Variants in SEMA3A observed in about 807,000 individuals in gnomAD.
SEMA3A encodes the protein semaphorin-3A.
In SEMA3A, 29 loss-of-function variants were observed where a neutral mutation model predicts 97.9. The observed-to-expected ratio is 0.30, with a 90% CI of 0.22 to 0.40. The LOEUF (loss-of-function observed/expected upper bound fraction) is 0.40. SEMA3A is among the 10% of genes least tolerant of loss of function. SEMA3A has a pLI of 1.00. For missense variants in SEMA3A, 763 were observed against 951.3 expected (o/e 0.80, Z 2.60); for synonymous variants, 321 against 323.7 (o/e 0.99, Z 0.09).
At chr7:84,264,554 G>A (rs1402409219) in intron 3 of SEMA3A, among the ~76,000 whole-genome samples, 1 of 152,116 alleles carries the variant, frequency 6.6e-6, no homozygotes, top group Non-Finnish European at 1.5e-5. Context: ...GATCCATGTG[G>A]TTCAGATGAA....
At chr7:84,352,432 T>C (rs1201988622) in intron 2 of SEMA3A, among the ~76,000 whole-genome samples, 1 of 151,624 alleles carries the variant, frequency 6.6e-6, no homozygotes, top group Non-Finnish European at 1.5e-5. Context: ...AGGTCATAGA[T>C]ACCCCATTTA....
At chr7:84,023,469 C>A (rs1436967176) in intron 6 of SEMA3A, among the ~76,000 whole-genome samples, 2 of 152,118 alleles carry the variant, frequency 1.3e-5, no homozygotes, top group Non-Finnish European at 2.9e-5. Context: ...TTTTCTAGGA[C>A]ACAAATTACA....
intron 2 of SEMA3A, among the ~76,000 whole-genome samples, chr7:84,356,949 G>A (rs1016549712): frequency 4.6e-5 from 7 of 151,560 alleles, no homozygotes; most frequent in Non-Finnish European, 8.8e-5. Context: ...CCACTTATAC[G>A]TGATGTGCTG....
At chr7:84,268,249 A>ATGTGTGTGTGTGTGTG (rs66460940) in intron 3 of SEMA3A, among the ~76,000 whole-genome samples, 2 of 130,950 alleles carry the variant, frequency 1.5e-5, no homozygotes, top group Admixed American at 7.8e-5. Flanking sequence ...AGACATAAGC[A>ATGTGTGTGTGTGTGTG]TGTGTGTGTG....
chr7:84,430,171 T>G (rs2116316879), intron 1 of SEMA3A, among the ~76,000 whole-genome samples: 1 of 152,120 alleles, frequency 6.6e-6, no homozygotes, highest in East Asian at 1.9e-4. Context: ...GTCTTCCATT[T>G]TTTAATAATA....
intron 1 of SEMA3A, among the ~76,000 whole-genome samples, chr7:84,390,272 A>G (rs1803506224): frequency 6.6e-6 from 1 of 150,676 alleles, no homozygotes; most frequent in Non-Finnish European, 1.5e-5. Flanking sequence ...TGGTAGGAAC[A>G]CTCCTGCACA....
At chr7:84,064,496 G>C (rs1454151873) in intron 4 of SEMA3A, among the ~76,000 whole-genome samples, 9 of 152,080 alleles carry the variant, frequency 5.9e-5, no homozygotes, top group South Asian at 2.1e-4. Flanking sequence ...AGAGTCAAGA[G>C]CCATCAGTGT....
At chr7:84,152,344 A>G (rs1796698526) in intron 1 of SEMA3A, among the ~76,000 whole-genome samples, 2 of 137,672 alleles carry the variant, frequency 1.5e-5, no homozygotes, top group African/African-American at 5.6e-5. Context: ...CATATACACC[A>G]TGGAATACTA....
chr7:84,398,318 T>A (rs1035051268), intron 1 of SEMA3A, among the ~76,000 whole-genome samples: 3 of 152,186 alleles, frequency 2.0e-5, no homozygotes, highest in African/African-American at 7.2e-5. Flanking sequence ...TAATTTAACA[T>A]AAATGTCTGG....
chr7:84,329,268 C>T (rs1303688634), intron 2 of SEMA3A, among the ~76,000 whole-genome samples: 1 of 152,004 alleles, frequency 6.6e-6, no homozygotes, highest in Non-Finnish European at 1.5e-5. Context: ...TCAAACCAGA[C>T]ATTTTAATGA....
At chr7:84,311,902 C>T (rs1474805092) in intron 2 of SEMA3A, among the ~76,000 whole-genome samples, 3 of 151,902 alleles carry the variant, frequency 2.0e-5, no homozygotes, top group East Asian at 3.9e-4. Context: ...AAAGTGCTTT[C>T]CAATTTTGCA....
chr7:84,448,572 A>G (rs866697894), intron 1 of SEMA3A, among the ~76,000 whole-genome samples: 1 of 152,140 alleles, frequency 6.6e-6, no homozygotes, highest in Non-Finnish European at 1.5e-5. Context: ...ATCAAAAACA[A>G]AAACAAAATT....
At chr7:84,396,849 A>G (rs979603279) in intron 1 of SEMA3A, among the ~76,000 whole-genome samples, 2 of 152,064 alleles carry the variant, frequency 1.3e-5, no homozygotes, top group Non-Finnish European at 2.9e-5. Flanking sequence ...TTATCAAGGC[A>G]GTATTTACTT....
At chr7:84,216,559 A>G (rs1234838319) in intron 3 of SEMA3A, among the ~76,000 whole-genome samples, 1 of 152,202 alleles carries the variant, frequency 6.6e-6, no homozygotes, top group African/African-American at 2.4e-5. Context: ...TTAAAACAGC[A>G]CAACAGAAGA....
intron 4 of SEMA3A, among the ~76,000 whole-genome samples, chr7:84,079,678 G>T (rs1283183006): frequency 1.6e-4 from 21 of 133,768 alleles, no homozygotes. Context: ...AGTTAGAATG[G>T]CAATCATTAA....
At chr7:84,133,076 T>C (rs954249638) in intron 2 of SEMA3A, among the ~76,000 whole-genome samples, 20 of 152,174 alleles carry the variant, frequency 1.3e-4, no homozygotes, top group African/African-American at 4.3e-4. Flanking sequence ...TAAATACTTA[T>C]CATTTCAGAA....
Position 84,108,981 on chromosome 7 carries a change from T to C in SEMA3A, c.453+1489A>G, listed in dbSNP as rs117974950. On this transcript the variant is annotated intron_variant, in intron 4 of 16. Transcript: ENST00000265362. ...CATGTAGAGCATAATTCCTGACGCA[T>C]GTAAAAAGTGCAATATCATGACTCA... Among the ~76,000 whole-genome samples the C allele has an allele frequency of 3.7e-3, 553 of 151,060 alleles. 32 individuals carry two copies. The East Asian group carries it at 0.1, about 27-fold the overall frequency.
intron 1 of SEMA3A, among the ~76,000 whole-genome samples, chr7:84,390,394 A>T (rs1803511149): frequency 1.3e-5 from 2 of 150,184 alleles, no homozygotes; most frequent in African/African-American, 2.4e-5. Context: ...TGCTGGGTCA[A>T]TTTCAATGTC....
chr7:84,045,301 A>C (rs772408073), intron 6 of SEMA3A, among the ~76,000 whole-genome samples: 2 of 152,024 alleles, frequency 1.3e-5, no homozygotes, highest in Non-Finnish European at 2.9e-5. Flanking sequence ...TTAATGAATT[A>C]TGTAAAACCA....
Sources: gnomAD v4.1 joint callset for allele counts (sites outside exome capture counted in the v4.1 genomes callset) on GRCh38, gnomAD v4.1.1 for gene constraint, MANE v1.5 for transcripts, NCBI Gene and HGNC (gene_info 2026-07-23, HGNC 2026-07-21) for gene names.